EYA3: variants seen among roughly 807,000 people sequenced by gnomAD.
The protein encoded by EYA3 is protein phosphatase EYA3.
In EYA3, 39 loss-of-function variants were observed where a neutral mutation model predicts 80.0. That is an observed-to-expected ratio of 0.49 (90% CI 0.38 to 0.64). The LOEUF is 0.64. Among genes scored for constraint, EYA3 ranks in the 30% least tolerant of loss-of-function variants. The probability of loss-of-function intolerance (pLI) is 0.00; values close to 1 mark genes in which losing one functional copy is unlikely to be tolerated. For synonymous variants in EYA3, 206 were observed against 232.8 expected (o/e 0.88, Z 1.05); for missense variants, 523 against 676.1 (o/e 0.77, Z 2.51).
intron 6 of EYA3, among the ~76,000 whole-genome samples, chr1:28,029,277 G>T (rs1202830286): frequency 6.6e-6 from 1 of 152,166 alleles, no homozygotes; most frequent in Admixed American, 6.6e-5. Context: ...AATAAAAACT[G>T]TGCTGTGCTA....
intron 6 of EYA3, among the ~76,000 whole-genome samples, chr1:28,033,527 G>A (rs1643266401): frequency 1.3e-5 from 2 of 151,746 alleles, no homozygotes; most frequent in Admixed American, 1.3e-4. Context: ...AACAAAACCA[G>A]ATTATTAAAG....
At chr1:28,073,299 A>AT (rs771192369) in intron 1 of EYA3, among the ~76,000 whole-genome samples, 3,622 of 114,200 alleles carry the variant, frequency 0.032, 214 homozygotes, top group African/African-American at 0.1. Context: ...CACCCAGCTA[A>AT]TTTTTTTTTT....
intron 16 of EYA3, among the ~76,000 whole-genome samples, chr1:27,979,331 CA>C (rs1639152460): frequency 1.3e-5 from 2 of 152,198 alleles, no homozygotes; most frequent in African/African-American, 4.8e-5. Context: ...AGTGAGAGAA[CA>C]GCCCCAGAAT....
At chr1:28,033,580 G>T (rs1053085194) in intron 6 of EYA3, among the ~76,000 whole-genome samples, 6 of 151,212 alleles carry the variant, frequency 4.0e-5, no homozygotes, top group Non-Finnish European at 5.9e-5. Context: ...ATATAAACAT[G>T]TATCCTTCAA....
At chr1:28,012,275 T>C (rs1448984914) in intron 9 of EYA3, among the ~76,000 whole-genome samples, 1 of 152,260 alleles carries the variant, frequency 6.6e-6, no homozygotes, top group Non-Finnish European at 1.5e-5. Context: ...AAAGTTAAAA[T>C]TGTTATAACA....
At chr1:27,998,422 G>T in intron 12 of EYA3, 1 of 498,296 alleles carries the variant, frequency 2.0e-6, no homozygotes, top group Non-Finnish European at 2.6e-6. Flanking sequence ...AATGTTTGCT[G>T]AATAAAAACT....
chr1:27,992,853 AC>A (rs1640168596), intron 14 of EYA3, among the ~76,000 whole-genome samples: 1 of 152,360 alleles, frequency 6.6e-6, no homozygotes. Flanking sequence ...TTTAATTCAA[AC>A]AATCTATGAT....
intron 7 of EYA3, among the ~76,000 whole-genome samples, chr1:28,024,812 G>A (rs12119376): frequency 0.018 from 2,799 of 152,182 alleles, 33 homozygotes; most frequent in Non-Finnish European, 0.027. Context: ...TGATACTACA[G>A]AAGTCAGATC....
At chr1:28,021,771 AT>A (rs1642454941) in intron 7 of EYA3, among the ~76,000 whole-genome samples, 1 of 151,642 alleles carries the variant, frequency 6.6e-6, no homozygotes, top group Non-Finnish European at 1.5e-5. Context: ...CTCCCAACTA[AT>A]TTTTGTATTT....
intron 3 of EYA3, among the ~76,000 whole-genome samples, chr1:28,047,261 T>C (rs975436417): frequency 6.6e-6 from 1 of 152,036 alleles, no homozygotes; most frequent in Admixed American, 6.5e-5. Context: ...GTCTCCCAAG[T>C]AGCTGGGATT....
chr1:27,986,829 A>G lies in EYA3; in HGVS notation c.1540+1706T>C, dbSNP rs569660103. Among the ~76,000 whole-genome samples the G allele has an allele frequency of 3.4e-4, 52 of 152,256 alleles. 1 individual carries two copies. Among genetic ancestry groups the G allele is most frequent in the African/African-American group, 1.1e-3 (47 of 41,550 alleles). On this transcript the variant is annotated intron_variant, in intron 16 of 17. Coordinates refer to ENST00000373871, the MANE Select transcript of EYA3 (RefSeq NM_001990.4). ...GGGATTCTCCTGCCTCAGCCTCCTGAGTAGCTAGGACTGCAGGCGAGTGCC... is the reference window on the plus strand; with the variant it reads ...GGGATTCTCCTGCCTCAGCCTCCTGGGTAGCTAGGACTGCAGGCGAGTGCC...
In EYA3 at chr1:27,989,747, T is replaced by C; in HGVS notation, c.1368A>G (p.Thr456=). ...QRLRAEIEVL[T]DSWLGTALKS... ...TTAATGCAGTTCCTAACCAGGAATC[T>C]GTTAAAACTTCAATTTCTGCTCTTA... Residue 456 remains threonine (T), a synonymous_variant, in exon 15 of 18, where the codon ACA becomes ACG. Coordinates refer to ENST00000373871, the MANE Select transcript of EYA3 (RefSeq NM_001990.4). The C allele has an allele frequency of 6.2e-7, 1 of 1,612,240 alleles. No homozygotes were observed. The highest frequency in any genetic ancestry group is 8.5e-7 in the Non-Finnish European group (1 of 1,179,048).
At chr1:28,055,462 CTTTTTTTT>C (rs531586344) in intron 2 of EYA3, among the ~76,000 whole-genome samples, 3 of 106,954 alleles carry the variant, frequency 2.8e-5, no homozygotes, top group Non-Finnish European at 5.5e-5. Context: ...TAAAGAAAAT[CTTTTTTTT>C]TTTTTTTTTT....
chr1:28,002,166 C>T (rs1347611386), intron 11 of EYA3, among the ~76,000 whole-genome samples: 3 of 152,004 alleles, frequency 2.0e-5, no homozygotes, highest in African/African-American at 7.2e-5. Context: ...CTGCCCTCCT[C>T]GGCCTCCCAA....
chr1:28,048,299 G>A, intron 3 of EYA3, 84 bp downstream of exon 3: 2 of 825,488 alleles, frequency 2.4e-6, no homozygotes, highest in Non-Finnish European at 3.7e-6. Context: ...AGAGGGCAAA[G>A]CATGCCCATA....
chr1:28,037,395 A>G (rs1643516612), intron 5 of EYA3, among the ~76,000 whole-genome samples: 1 of 152,242 alleles, frequency 6.6e-6, no homozygotes, highest in Admixed American at 6.5e-5. Flanking sequence ...AGTACATTCT[A>G]AAAAACTGAA....
chr1:28,084,587 ATATATATATTTTTTTTTTTTTTTTTTTT>A (rs1404723046), intron 1 of EYA3, among the ~76,000 whole-genome samples: 1 of 17,060 alleles, frequency 5.9e-5, no homozygotes, highest in Non-Finnish European at 1.0e-4. Flanking sequence ...ATATATATAT[ATATATATATTTTTTTTTTTTTTTTTTTT>A]TTTTTTTTTT....
chr1:28,079,657 A>G (rs1227889672), intron 1 of EYA3, among the ~76,000 whole-genome samples: 2 of 152,200 alleles, frequency 1.3e-5, no homozygotes, highest in African/African-American at 4.8e-5. Flanking sequence ...AATGGTAAAG[A>G]ACAGGGATGA....
At chr1:28,049,964 G>A (rs571378510) in intron 2 of EYA3, among the ~76,000 whole-genome samples, 17 of 152,130 alleles carry the variant, frequency 1.1e-4, no homozygotes, top group Non-Finnish European at 2.2e-4. Flanking sequence ...TCAAAGAAAT[G>A]TAATTACGAG....
Sources: allele counts gnomAD v4.1 joint callset (sites outside exome capture counted in the v4.1 genomes callset), GRCh38; gene constraint gnomAD v4.1.1; transcripts MANE v1.5; gene names NCBI Gene and HGNC (gene_info 2026-07-23, HGNC 2026-07-21).